BACH2: variants seen among roughly 807,000 people sequenced by gnomAD.
BACH2 encodes transcription regulator protein BACH2.
A neutral mutation model predicts 61.8 loss-of-function variants in BACH2; 5 were observed. The observed-to-expected ratio is 0.08, with a 90% CI of 0.04 to 0.17. BACH2 has a LOEUF of 0.17. BACH2 is among the 10% of genes least tolerant of loss of function. BACH2 has a pLI of 1.00. For missense variants in BACH2, 824 were observed against 1,091.1 expected (o/e 0.76, Z 3.45); for synonymous variants, 446 against 440.1 (o/e 1.01, Z -0.17).
chr6:90,264,319 C>T (rs902650718), intron 2 of BACH2, among the ~76,000 whole-genome samples: 1 of 152,140 alleles, frequency 6.6e-6, no homozygotes, highest in African/African-American at 2.4e-5. Context: ...AGTAAGTCTG[C>T]AACTTACTTT....
At chr6:90,034,530 G>A (rs1779170346) in intron 5 of BACH2, among the ~76,000 whole-genome samples, 1 of 152,014 alleles carries the variant, frequency 6.6e-6, no homozygotes, top group Middle Eastern at 3.2e-3. Flanking sequence ...TAGGAATAAT[G>A]AAATTTAATT....
Position 89,940,148 on chromosome 6 carries a change from T to C in BACH2, c.1837-1798A>G, listed in dbSNP as rs188285579. ...GCCTCACCTCCTGAGTAGCTGGGATTGCAGGTGTGCACCACCATGCCCAGC... is the reference window on the plus strand; with the variant it reads ...GCCTCACCTCCTGAGTAGCTGGGATCGCAGGTGTGCACCACCATGCCCAGC... On this transcript the variant is annotated intron_variant, in intron 7 of 8. Transcript: ENST00000257749. Among the ~76,000 whole-genome samples, 488 of 152,244 alleles carry C rather than the reference T, an allele frequency of 3.2e-3. 3 individuals carry two copies. Among genetic ancestry groups the C allele is most frequent in the African/African-American group, 0.011 (442 of 41,536 alleles).
intron 1 of BACH2, among the ~76,000 whole-genome samples, chr6:90,295,977 G>T (rs550923893): frequency 6.6e-6 from 1 of 152,042 alleles, no homozygotes; most frequent in African/African-American, 2.4e-5. Flanking sequence ...CCCGGGATGC[G>T]CACGCCGAGG....
chr6:90,087,052 T>C (rs1250069183), intron 5 of BACH2, among the ~76,000 whole-genome samples: 2 of 152,188 alleles, frequency 1.3e-5, no homozygotes, highest in Non-Finnish European at 2.9e-5. Flanking sequence ...TTTTGTCTTA[T>C]TTTTCTGATA....
intron 4 of BACH2, among the ~76,000 whole-genome samples, chr6:90,128,661 T>G (rs1018355796): frequency 2.6e-5 from 4 of 152,306 alleles, no homozygotes; most frequent in African/African-American, 7.2e-5. Flanking sequence ...TGGTGATTGC[T>G]CAGGGATCTA....
At chr6:90,243,574 T>C (rs1483743723) in intron 3 of BACH2, among the ~76,000 whole-genome samples, 6 of 152,230 alleles carry the variant, frequency 3.9e-5, no homozygotes, top group Admixed American at 1.3e-4. Context: ...ACTAGCATTA[T>C]GGTCTTTACA....
In BACH2 at chr6:90,062,790, C is replaced by G. The variant is rs1380369555; in HGVS notation, c.-13+26171G>C. 3 of 353,406 alleles carry G rather than the reference C, an allele frequency of 8.5e-6. No individual in the cohort carries two copies. In the Admixed American group the frequency reaches 1.9e-4, roughly 23 times the overall value. The allele number at this position is 353,406 out of a possible 1,614,324, so 21.9% of individuals were successfully genotyped here. ...TTTTTTTTCCCTAAAGTGTAGTGAC[C>G]AGCAATTGACAAACTACTCAAACAA... On this transcript the variant is annotated intron_variant, in intron 5 of 8. Transcript: ENST00000257749.
At chr6:90,216,305 T>C (rs1479828077) in intron 3 of BACH2, among the ~76,000 whole-genome samples, 1 of 152,216 alleles carries the variant, frequency 6.6e-6, no homozygotes, top group East Asian at 1.9e-4. Context: ...GCCGCTGGAA[T>C]GGGGAGGAGG....
chr6:90,183,598 A>G (rs1300154199), intron 4 of BACH2, among the ~76,000 whole-genome samples: 1 of 152,234 alleles, frequency 6.6e-6, no homozygotes, highest in Non-Finnish European at 1.5e-5. Context: ...CAGGAAAAGC[A>G]TTTGGCAAAT....
Position 89,938,278 on chromosome 6 carries a change from G to A in BACH2, c.1909C>T (p.His637Tyr), listed in dbSNP as rs547488992. ...TCTAACTGTTCTGAGGTTAGCTTGT[G>A]CATTTTAATCATCATCTGGAAATCG... ...RNDFQMMIKMHKLTSEQLEFI... is the reference protein window; with the variant it reads ...RNDFQMMIKMYKLTSEQLEFI... Residue 637 changes from histidine (H) to tyrosine (Y), a missense_variant, in exon 8 of 9, where the codon CAC becomes TAC. By Grantham distance (83) the His-to-Tyr change is moderately conservative. Coordinates refer to ENST00000257749, the MANE Select transcript of BACH2 (RefSeq NM_021813.4). The A allele has an allele frequency of 1.2e-6, 2 of 1,614,192 alleles. No individual in the cohort carries two copies. The highest frequency in any genetic ancestry group is 4.5e-5 in the East Asian group (2 of 44,882).
intron 4 of BACH2, among the ~76,000 whole-genome samples, chr6:90,205,624 T>G (rs745540746): frequency 3.3e-5 from 5 of 152,240 alleles, no homozygotes; most frequent in African/African-American, 4.8e-5. Flanking sequence ...CCAAACTCTT[T>G]GCTGTTCTCT....
intron 4 of BACH2, among the ~76,000 whole-genome samples, chr6:90,148,786 T>C (rs1562474342): frequency 6.6e-6 from 1 of 152,230 alleles, no homozygotes; most frequent in Non-Finnish European, 1.5e-5. Flanking sequence ...TTTCCTTACT[T>C]GCCTTTTTTT....
chr6:90,016,999 G>T (rs1177782214), intron 5 of BACH2, among the ~76,000 whole-genome samples: 1 of 152,010 alleles, frequency 6.6e-6, no homozygotes, highest in Non-Finnish European at 1.5e-5. Context: ...GTGCCTTTGT[G>T]TAGTTTTCCT....
At chr6:90,072,031 G>A (rs919156437) in intron 5 of BACH2, among the ~76,000 whole-genome samples, 5 of 152,114 alleles carry the variant, frequency 3.3e-5, no homozygotes, top group Admixed American at 2.0e-4. Context: ...AAGGGAGGCA[G>A]AAGAGGCAGG....
intron 1 of BACH2, among the ~76,000 whole-genome samples, chr6:90,284,797 A>G (rs1260676737): frequency 6.6e-6 from 1 of 152,154 alleles, no homozygotes; most frequent in Non-Finnish European, 1.5e-5. Context: ...CTAAAACCAC[A>G]TGTTTTGAAG....
intron 5 of BACH2, among the ~76,000 whole-genome samples, chr6:90,039,786 C>T (rs1779442537): frequency 6.6e-6 from 1 of 152,070 alleles, no homozygotes; most frequent in South Asian, 2.1e-4. Context: ...TAAAAAACAG[C>T]GTTTAATTAT....
At chr6:90,269,298 G>C (rs1481046601) in intron 2 of BACH2, among the ~76,000 whole-genome samples, 2 of 152,070 alleles carry the variant, frequency 1.3e-5, no homozygotes. Context: ...TAAGTCTTCT[G>C]AGTTTTCTAA....
intron 7 of BACH2, among the ~76,000 whole-genome samples, chr6:89,943,283 G>A (rs867383896): frequency 2.0e-5 from 3 of 152,154 alleles, no homozygotes; most frequent in African/African-American, 7.2e-5. Context: ...CTGGAATGCC[G>A]GTGCTTCCTT....
intron 2 of BACH2, among the ~76,000 whole-genome samples, chr6:90,267,672 TACA>T (rs909124091): frequency 6.6e-6 from 1 of 152,134 alleles, no homozygotes; most frequent in Admixed American, 6.6e-5. Context: ...TAAACTATGG[TACA>T]ACGATACCAT....
Sources: allele counts gnomAD v4.1 joint callset (sites outside exome capture counted in the v4.1 genomes callset), GRCh38; gene constraint gnomAD v4.1.1; transcripts MANE v1.5; gene names NCBI Gene and HGNC (gene_info 2026-07-23, HGNC 2026-07-21).